The following CCDC171 variants were observed in gnomAD, a reference collection of about 807,000 sequenced individuals.
CCDC171 encodes the protein coiled-coil domain containing 171, also known as coiled-coil domain-containing protein 171.
Under a neutral mutation model 168.2 loss-of-function variants are expected in CCDC171, and 177 were observed. The observed-to-expected ratio is 1.05, with a 90% CI of 0.93 to 1.19. CCDC171 has a LOEUF of 1.19. CCDC171 is among the 50% of genes most tolerant of loss of function. The pLI is 0.00. For missense variants in CCDC171, 1,991 were observed against 1,539.0 expected (o/e 1.29, Z -4.91); for synonymous variants, 687 against 540.8 (o/e 1.27, Z -3.75).
intron 18 of CCDC171, among the ~76,000 whole-genome samples, chr9:15,761,604 G>T (rs1180726581): frequency 6.6e-6 from 1 of 151,950 alleles, no homozygotes; most frequent in Non-Finnish European, 1.5e-5. Context: ...AGAGACTTAG[G>T]GGATTTTATT....
At chr9:15,869,881 C>T (rs1479934745) in intron 23 of CCDC171, among the ~76,000 whole-genome samples, 1 of 151,696 alleles carries the variant, frequency 6.6e-6, no homozygotes, top group African/African-American at 2.4e-5. Context: ...TTTGTAGATT[C>T]TCTGGTGAGA....
At chr9:15,821,521 C>G (rs1156764151) in intron 21 of CCDC171, among the ~76,000 whole-genome samples, 2 of 117,628 alleles carry the variant, frequency 1.7e-5, no homozygotes, top group African/African-American at 3.2e-5. Flanking sequence ...GCAAAAGTCA[C>G]AAGCATTCTT....
At chr9:15,906,745 A>T (rs1822696603) in intron 24 of CCDC171, among the ~76,000 whole-genome samples, 1 of 152,184 alleles carries the variant, frequency 6.6e-6, no homozygotes, top group Non-Finnish European at 1.5e-5. Context: ...CCCTGTTTGC[A>T]GACGACATGA....
intron 6 of CCDC171, among the ~76,000 whole-genome samples, chr9:16,025,533 A>G (rs1833260306): frequency 6.6e-6 from 1 of 152,198 alleles, no homozygotes; most frequent in South Asian, 2.1e-4. Context: ...CCAAAAGGAA[A>G]AAGCAACTCA....
At chr9:15,611,669 T>C (rs2043706688) in intron 6 of CCDC171, among the ~76,000 whole-genome samples, 1 of 152,200 alleles carries the variant, frequency 6.6e-6, no homozygotes, top group African/African-American at 2.4e-5. Context: ...GAACCTCTTT[T>C]GATCAACCTC....
At chr9:16,095,367 G>T in the CCDC171 span, among the ~76,000 whole-genome samples, 3 of 152,128 alleles carry the variant, frequency 2.0e-5, no homozygotes, top group Non-Finnish European at 2.9e-5. Context: ...GCTCAGAACA[G>T]ATCTTATTTT....
At chr9:15,584,856 T>C (rs573095670) in intron 4 of CCDC171, among the ~76,000 whole-genome samples, 32 of 152,316 alleles carry the variant, frequency 2.1e-4, no homozygotes, top group African/African-American at 7.0e-4. Flanking sequence ...GCACTAGATA[T>C]GAAAGTTCAT....
rs1587603503 is a variant in CCDC171 at position 15,633,172 on chromosome 9, G to A, written c.822+9759G>A. Among the ~76,000 whole-genome samples the A allele has an allele frequency of 7.2e-5, 11 of 152,272 alleles. 1 individual carries two copies. The South Asian group carries it at 2.3e-3, about 32-fold the overall frequency. On this transcript the variant is annotated intron_variant, in intron 7 of 25. Transcript: ENST00000380701. ...GCAAGAAAAGCCAAAATTGACAAAT[G>A]GGATCTAATTAAACTAAAGAGCTCC... is the stretch of plus-strand genomic sequence containing the variant.
intron 23 of CCDC171, among the ~76,000 whole-genome samples, chr9:15,865,616 T>A (rs554097092): frequency 2.6e-5 from 4 of 152,066 alleles, no homozygotes; most frequent in Non-Finnish European, 5.9e-5. Context: ...TTTCTCTTCC[T>A]TACGATTTTC....
intron 10 of CCDC171, among the ~76,000 whole-genome samples, chr9:15,687,473 G>A (rs536782040): frequency 9.9e-5 from 15 of 150,830 alleles, no homozygotes; most frequent in Non-Finnish European, 1.8e-4. Context: ...TTCACGGTAA[G>A]AAAAGAGAAA....
chr9:15,750,777 C>T (rs1280926317), intron 18 of CCDC171, among the ~76,000 whole-genome samples: 1 of 152,146 alleles, frequency 6.6e-6, no homozygotes, highest in East Asian at 1.9e-4. Flanking sequence ...TGGAACGTAT[C>T]TCATAATAAT....
chr9:15,591,031 T>C (rs574031932), intron 4 of CCDC171, among the ~76,000 whole-genome samples: 1 of 152,056 alleles, frequency 6.6e-6, no homozygotes, highest in Non-Finnish European at 1.5e-5. Flanking sequence ...TTTTCTTGAA[T>C]AGGACAAAAA....
At chr9:15,735,626 C>T (rs1037170976) in intron 16 of CCDC171, among the ~76,000 whole-genome samples, 1 of 152,136 alleles carries the variant, frequency 6.6e-6, no homozygotes, top group Non-Finnish European at 1.5e-5. Context: ...GTGTATTTGG[C>T]AAGGAATCCA....
At chr9:15,974,725 C>A (rs1383269453), downstream of CCDC171, among the ~76,000 whole-genome samples, 3 of 152,066 alleles carry the variant, frequency 2.0e-5, no homozygotes, top group African/African-American at 7.2e-5. Context: ...AAATAAATAA[C>A]CTTTTAAATA....
At chr9:15,994,751 C>T (rs578082953) in intron 3 of CCDC171, among the ~76,000 whole-genome samples, 4 of 152,208 alleles carry the variant, frequency 2.6e-5, no homozygotes, top group Non-Finnish European at 5.9e-5. Context: ...ACTATTCTTA[C>T]AATCACCTTG....
At chr9:15,859,434 A>C (rs1386119645) in intron 23 of CCDC171, among the ~76,000 whole-genome samples, 1 of 151,638 alleles carries the variant, frequency 6.6e-6, no homozygotes, top group East Asian at 1.9e-4. Flanking sequence ...CTCCTTTTCA[A>C]ATTTTTTGGA....
At chr9:15,620,506 C>T (rs1316164245) in intron 6 of CCDC171, among the ~76,000 whole-genome samples, 2 of 152,318 alleles carry the variant, frequency 1.3e-5, no homozygotes, top group East Asian at 3.9e-4. Context: ...TGAATTGCTG[C>T]AATCTCATGC....
intron 1 of CCDC171, among the ~76,000 whole-genome samples, chr9:15,557,024 C>T (rs2038863332): frequency 1.3e-5 from 2 of 152,074 alleles, no homozygotes; most frequent in Admixed American, 6.6e-5. Context: ...TTGTTTTTGT[C>T]AGGTTTGTCA....
At chr9:15,820,238 G>GA (rs150914376) in intron 21 of CCDC171, among the ~76,000 whole-genome samples, 78,198 of 114,838 alleles carry the variant, frequency 0.68, 36,263 homozygotes, top group Non-Finnish European at 0.89. Flanking sequence ...AGAGAAAGCA[G>GA]AAAAGATCTA....
Sources: gnomAD v4.1 joint callset for allele counts (sites outside exome capture counted in the v4.1 genomes callset) on GRCh38, gnomAD v4.1.1 for gene constraint, MANE v1.5 for transcripts, NCBI Gene and HGNC (gene_info 2026-07-23, HGNC 2026-07-21) for gene names.